Variants in RGS20 observed in about 807,000 individuals in gnomAD.
The protein encoded by RGS20 is regulator of G protein signaling 20.
Under a neutral mutation model 33.6 loss-of-function variants are expected in RGS20, and 30 were observed. The observed-to-expected ratio is 0.89, with a 90% CI of 0.67 to 1.21. RGS20 has a LOEUF of 1.21. Among genes scored for constraint, RGS20 ranks in the 50% most tolerant of loss-of-function variants. The pLI is 0.00. For missense variants in RGS20, 472 were observed against 502.4 expected (o/e 0.94, Z 0.58); for synonymous variants, 208 against 197.9 (o/e 1.05, Z -0.43).
At chr8:53,917,709 C>A (rs1036026110) in intron 2 of RGS20, among the ~76,000 whole-genome samples, 1 of 152,140 alleles carries the variant, frequency 6.6e-6, no homozygotes, top group Non-Finnish European at 1.5e-5. Context: ...TTGGAGACTG[C>A]AGTGAGCTAC....
chr8:53,886,570 G>A (rs919003171), intron 2 of RGS20, among the ~76,000 whole-genome samples: 6 of 152,192 alleles, frequency 3.9e-5, no homozygotes, highest in Non-Finnish European at 5.9e-5. Flanking sequence ...TCCTTTTCAT[G>A]TGAGCATTTG....
intron 2 of RGS20, among the ~76,000 whole-genome samples, chr8:53,915,467 C>G (rs1813458728): frequency 6.6e-6 from 1 of 152,144 alleles, no homozygotes; most frequent in African/African-American, 2.4e-5. Flanking sequence ...AGCTTTGGTC[C>G]CAGTCATACA....
chr8:53,882,302 G>A (rs964517162), intron 2 of RGS20, among the ~76,000 whole-genome samples: 6 of 152,142 alleles, frequency 3.9e-5, no homozygotes, highest in African/African-American at 9.7e-5. Flanking sequence ...GGGGCTTTGG[G>A]AGAGGCGGCG....
At chr8:53,943,795 T>TA (rs1341656113) in intron 3 of RGS20, among the ~76,000 whole-genome samples, 1 of 152,148 alleles carries the variant, frequency 6.6e-6, no homozygotes, top group African/African-American at 2.4e-5. Flanking sequence ...CACTGAGCAG[T>TA]AATGTGTTTT....
At chr8:53,905,515 C>T (rs1221214282) in intron 2 of RGS20, among the ~76,000 whole-genome samples, 1 of 152,146 alleles carries the variant, frequency 6.6e-6, no homozygotes, top group East Asian at 1.9e-4. Flanking sequence ...AATGGGCCAG[C>T]GTCCTCTCAA....
chr8:53,946,972 T>C (rs1296702253), intron 4 of RGS20, among the ~76,000 whole-genome samples: 2 of 151,436 alleles, frequency 1.3e-5, no homozygotes, highest in Admixed American at 6.6e-5. Context: ...CCTTTGCTAA[T>C]TGCAAATACA....
intron 2 of RGS20, among the ~76,000 whole-genome samples, chr8:53,897,774 CA>C (rs2129279606): frequency 6.6e-6 from 1 of 152,318 alleles, no homozygotes; most frequent in South Asian, 2.1e-4. Context: ...TAAATTTCTG[CA>C]AACTAGAGGT....
chr8:53,879,137 C>T, intron 1 of RGS20: 5 of 768,470 alleles, frequency 6.5e-6, no homozygotes, highest in Non-Finnish European at 1.1e-5. Flanking sequence ...CTTCTGCTTT[C>T]ACCGACCTTC....
chr8:53,875,653 C>T (rs1812190316), intron 1 of RGS20, among the ~76,000 whole-genome samples: 1 of 152,046 alleles, frequency 6.6e-6, no homozygotes, highest in Non-Finnish European at 1.5e-5. Flanking sequence ...CTTTCCAGCC[C>T]CTCCTCCCTC....
chr8:53,888,594 C>T (rs1812613045), intron 2 of RGS20, among the ~76,000 whole-genome samples: 1 of 152,108 alleles, frequency 6.6e-6, no homozygotes, highest in African/African-American at 2.4e-5. Context: ...TCCCTGGATG[C>T]CATGACCAAA....
At position 53,958,422 on chromosome 8, in the gene RGS20, G is replaced by A; in HGVS notation, c.1131G>A (p.Leu377=). The change falls in exon 6 of 6, where the codon TTG becomes TTA. Residue 377 remains leucine (L), a synonymous_variant. Transcript: ENST00000297313. The stretch of plus-strand genomic sequence containing the variant: ...TGAACTCTGCTGTCTATAAGGACTT[G>A]CTTCAGTCCTTATCGGAGAAATCTA... The A allele has an allele frequency of 6.3e-7, 1 of 1,579,582 alleles. No homozygotes were observed. Among genetic ancestry groups the A allele is most frequent in the African/African-American group, 1.4e-5 (1 of 73,640 alleles).
intron 1 of RGS20, among the ~76,000 whole-genome samples, chr8:53,852,703 C>G (rs765144906): frequency 1.8e-4 from 28 of 152,154 alleles, no homozygotes; most frequent in Non-Finnish European, 2.9e-4. Context: ...TAAAAGGTTA[C>G]TTGGCATAGA....
chr8:53,935,558 G>A lies in RGS20; in HGVS notation c.511-4018G>A, dbSNP rs891082932. 3.3e-5 allele frequency among the ~76,000 whole-genome samples: 5 copies of A among 152,236 alleles called. No homozygotes were observed. In the East Asian group the frequency reaches 9.6e-4, roughly 29 times the overall value. ...CACCCTCCCAAGACTAAATCAGGAAGAAGTCAAATCCCTGAATAGAACAAT... is the reference window on the plus strand; with the variant it reads ...CACCCTCCCAAGACTAAATCAGGAAAAAGTCAAATCCCTGAATAGAACAAT... On this transcript the variant is annotated intron_variant, in intron 2 of 5. Transcript: ENST00000297313.
At chr8:53,898,829 G>A (rs774614755) in intron 2 of RGS20, among the ~76,000 whole-genome samples, 41 of 152,166 alleles carry the variant, frequency 2.7e-4, no homozygotes, top group Non-Finnish European at 5.1e-4. Context: ...CTAGGCCAAG[G>A]AGCACTGCAG....
chr8:53,955,787 C>T (rs541646656), intron 5 of RGS20, among the ~76,000 whole-genome samples: 3 of 152,138 alleles, frequency 2.0e-5, no homozygotes, highest in African/African-American at 4.8e-5. Flanking sequence ...GTAGAGATTG[C>T]GTCATTGCAC....
chr8:53,867,370 T>A (rs1050160801), intron 1 of RGS20, among the ~76,000 whole-genome samples: 6 of 152,178 alleles, frequency 3.9e-5, no homozygotes, highest in African/African-American at 1.4e-4. Flanking sequence ...ATGAGAGGGT[T>A]TTTCATTTCT....
intron 2 of RGS20, among the ~76,000 whole-genome samples, chr8:53,883,298 G>T (rs773367970): frequency 2.6e-5 from 4 of 151,772 alleles, no homozygotes; most frequent in Non-Finnish European, 5.9e-5. Context: ...CTGGGGCTGG[G>T]ATTACAGGCA....
chr8:53,946,812 T>C, intron 4 of RGS20, 64 bp downstream of exon 3: 3 of 1,363,384 alleles, frequency 2.2e-6, no homozygotes, highest in South Asian at 1.2e-5. Flanking sequence ...TTCTTTTCTT[T>C]GCCTTGTATG....
chr8:53,953,114 A>T (rs1034241974), intron 4 of RGS20, among the ~76,000 whole-genome samples: 3 of 152,248 alleles, frequency 2.0e-5, no homozygotes, highest in Non-Finnish European at 4.4e-5. Flanking sequence ...TACAATGTAC[A>T]CTATCCCATT....
Sources: allele counts gnomAD v4.1 joint callset (sites outside exome capture counted in the v4.1 genomes callset), GRCh38; gene constraint gnomAD v4.1.1; transcripts MANE v1.5; gene names NCBI Gene and HGNC (gene_info 2026-07-23, HGNC 2026-07-21).